SHC3: variants seen among roughly 807,000 people sequenced by gnomAD.
SHC3 encodes SHC adaptor protein 3, also known as SHC-transforming protein 3.
In SHC3, 15 loss-of-function variants were observed where a neutral mutation model predicts 60.4. The ratio of observed to expected loss-of-function variants is 0.25; its 90% CI spans 0.17 to 0.38. SHC3 has a LOEUF of 0.38. Ranked by LOEUF, SHC3 falls within the 10% of genes least tolerant of loss-of-function variation. The pLI is 1.00. For missense variants in SHC3, 677 were observed against 786.1 expected, an observed-to-expected ratio of 0.86 and a Z score of 1.66; for synonymous variants, 294 against 325.9, an observed-to-expected ratio of 0.90 and a Z score of 1.05.
At chr9:89,134,834 G>A (rs1033173897) in intron 1 of SHC3, among the ~76,000 whole-genome samples, 8 of 152,066 alleles carry the variant, frequency 5.3e-5, no homozygotes, top group Non-Finnish European at 1.0e-4. Flanking sequence ...AAGCAGAACA[G>A]AAATTAACTG....
chr9:89,080,169 G>A (rs954905968), intron 2 of SHC3, among the ~76,000 whole-genome samples: 4 of 152,050 alleles, frequency 2.6e-5, no homozygotes, highest in East Asian at 1.9e-4. Flanking sequence ...CCATTTGTTC[G>A]TTTAGCAATC....
chr9:89,031,862 T>C (rs1824497639), intron 11 of SHC3, among the ~76,000 whole-genome samples: 2 of 152,226 alleles, frequency 1.3e-5, no homozygotes, highest in African/African-American at 2.4e-5. Context: ...TTGGATCAAA[T>C]GCTCCATGTT....
chr9:89,125,192 A>G (rs1244925566), intron 1 of SHC3, among the ~76,000 whole-genome samples: 1 of 152,028 alleles, frequency 6.6e-6, no homozygotes, highest in East Asian at 1.9e-4. Flanking sequence ...AAGAACACAA[A>G]CCCCAAACCT....
At chr9:89,165,602 T>C (rs1453619203) in intron 1 of SHC3, among the ~76,000 whole-genome samples, 1 of 151,016 alleles carries the variant, frequency 6.6e-6, no homozygotes, top group Non-Finnish European at 1.5e-5. Context: ...TGAAACCCTT[T>C]AGAGGTGGAA....
At chr9:89,135,511 T>C (rs1285688784) in intron 1 of SHC3, among the ~76,000 whole-genome samples, 1 of 152,158 alleles carries the variant, frequency 6.6e-6, no homozygotes. Flanking sequence ...ATGCACCTTA[T>C]ACAAATAATC....
At chr9:89,066,836 G>A (rs1440006111) in intron 5 of SHC3, among the ~76,000 whole-genome samples, 1 of 152,140 alleles carries the variant, frequency 6.6e-6, no homozygotes, top group African/African-American at 2.4e-5. Context: ...GCTCTCCAAG[G>A]AGAGAGAGAT....
In SHC3 at chr9:89,153,112, T is replaced by C. The variant is rs562693415; in HGVS notation, c.474+24875A>G. 4.6e-5 allele frequency among the ~76,000 whole-genome samples: 7 copies of C among 152,338 alleles called. No homozygotes were observed. The South Asian group carries it at 1.2e-3, about 27-fold the overall frequency. On this transcript the variant is annotated intron_variant, in intron 1 of 11. Transcript: ENST00000375835. ...GAGCTGATTATTTAAGGTTTTGTGG[T>C]TTACTATGTATGTTGTGCTCAGTAA...
At chr9:89,120,992 C>G (rs1826085152) in intron 1 of SHC3, among the ~76,000 whole-genome samples, 2 of 151,982 alleles carry the variant, frequency 1.3e-5, no homozygotes, top group Non-Finnish European at 2.9e-5. Flanking sequence ...CTGAACACTT[C>G]ACAGGCCACT....
chr9:89,029,323 T>G (rs773442722), intron 11 of SHC3, among the ~76,000 whole-genome samples: 1 of 151,622 alleles, frequency 6.6e-6, no homozygotes, highest in Non-Finnish European at 1.5e-5. Flanking sequence ...AAGACACACA[T>G]GTAGATTCAT....
intron 1 of SHC3, among the ~76,000 whole-genome samples, chr9:89,161,365 C>G (rs1826703687): frequency 1.3e-5 from 2 of 152,202 alleles, no homozygotes; most frequent in Non-Finnish European, 2.9e-5. Flanking sequence ...CCCACGTCAC[C>G]TTCTGCTGTG....
chr9:89,060,462 G>A lies in SHC3; in HGVS notation c.835+5067C>T, dbSNP rs1825069070. On this transcript the variant is annotated intron_variant, in intron 6 of 11. Coordinates refer to ENST00000375835, the MANE Select transcript of SHC3 (RefSeq NM_016848.6). ...AGAGGCGGCACTGGAGAAGATACCT[G>A]AAGCGAGTCAGGGAGAGAAGTCCAG... 4.6e-5 allele frequency among the ~76,000 whole-genome samples: 7 copies of A among 152,122 alleles called. No homozygotes were observed. In the South Asian group the frequency reaches 1.5e-3, roughly 32 times the overall value.
At chr9:89,104,695 C>T (rs1402543722) in intron 2 of SHC3, among the ~76,000 whole-genome samples, 1 of 152,180 alleles carries the variant, frequency 6.6e-6, no homozygotes, top group East Asian at 1.9e-4. Context: ...AGCAGGACCA[C>T]CTTGGGGGTC....
chr9:89,034,385 C>T (rs1331777814), intron 11 of SHC3, among the ~76,000 whole-genome samples: 3 of 152,098 alleles, frequency 2.0e-5, no homozygotes, highest in African/African-American at 7.2e-5. Flanking sequence ...AGATAATCTC[C>T]CCAAAGCCTA....
chr9:89,159,941 T>C (rs1826680274), intron 1 of SHC3, among the ~76,000 whole-genome samples: 1 of 152,076 alleles, frequency 6.6e-6, no homozygotes, highest in African/African-American at 2.4e-5. Context: ...CATCCTTCAA[T>C]CCAATTAAGT....
intron 1 of SHC3, among the ~76,000 whole-genome samples, chr9:89,155,511 C>T (rs947426678): frequency 6.6e-6 from 1 of 152,138 alleles, no homozygotes; most frequent in Non-Finnish European, 1.5e-5. Flanking sequence ...AGGACTGCTT[C>T]CAGCTCCATT....
At chr9:89,154,394 G>A (rs939185579) in intron 1 of SHC3, among the ~76,000 whole-genome samples, 4 of 152,180 alleles carry the variant, frequency 2.6e-5, no homozygotes, top group African/African-American at 9.7e-5. Flanking sequence ...CCAACTCTGA[G>A]CCGGAATGCA....
At chr9:89,111,582 G>GA (rs201550869) in intron 2 of SHC3, among the ~76,000 whole-genome samples, 189 of 134,190 alleles carry the variant, frequency 1.4e-3, no homozygotes, top group South Asian at 1.4e-3. Context: ...TTAGGAAAGA[G>GA]AAAAAAAAAA....
chr9:89,060,448 T>C (rs1825067857), intron 6 of SHC3, among the ~76,000 whole-genome samples: 2 of 151,918 alleles, frequency 1.3e-5, no homozygotes, highest in South Asian at 4.2e-4. Context: ...GAGGCGGCAC[T>C]GGAGAAGATA....
At position 89,071,220 on chromosome 9, in the gene SHC3, G is replaced by A; in HGVS notation, c.762C>T (p.Ser254=). 2 of 1,614,138 alleles carry A rather than the reference G, an allele frequency of 1.2e-6. No individual in the cohort carries two copies. The highest frequency in any genetic ancestry group is 1.1e-5 in the South Asian group (1 of 91,078). Residue 254 remains serine (S), a synonymous_variant, in exon 5 of 12, where the codon TCC becomes TCT. Transcript: ENST00000375835. ...IIANHHMRSI[S]FASGGDPDTT... is the part of the protein sequence containing the mutation. Reference sequence around the variant, plus strand: ...TTACCGGGTCTCCCCCAGAGGCGAAGGAGATGGACCGCATGTGGTGATTCG... The same window carrying A: ...TTACCGGGTCTCCCCCAGAGGCGAAAGAGATGGACCGCATGTGGTGATTCG...
Sources: allele counts gnomAD v4.1 joint callset (sites outside exome capture counted in the v4.1 genomes callset), GRCh38; gene constraint gnomAD v4.1.1; transcripts MANE v1.5; gene names NCBI Gene and HGNC (gene_info 2026-07-23, HGNC 2026-07-21).